Variants in PLA2G2C observed in about 807,000 individuals in gnomAD.
PLA2G2C encodes putative inactive group IIC secretory phospholipase A2.
In PLA2G2C, 15 loss-of-function variants were observed where a neutral mutation model predicts 14.3. The ratio of observed to expected loss-of-function variants is 1.05; its 90% confidence interval spans 0.70 to 1.62. The LOEUF is 1.62. Ranked by LOEUF, PLA2G2C falls within the 40% of genes most tolerant of loss-of-function variation. The pLI is 0.00. For synonymous variants in PLA2G2C, 79 were observed against 67.7 expected, an observed-to-expected ratio of 1.17 and a Z score of -0.82; for missense variants, 162 against 173.2, an observed-to-expected ratio of 0.94 and a Z score of 0.36.
chr1:20,183,397 G>A (rs2018307241), intron 1 of PLA2G2C, among the ~76,000 whole-genome samples: 1 of 152,232 alleles, frequency 6.6e-6, no homozygotes, highest in African/African-American at 2.4e-5. Context: ...CAGGTGAGGA[G>A]CTTGGGGGTG....
chr1:20,171,586 C>T (rs998005538), intron 4 of PLA2G2C, among the ~76,000 whole-genome samples: 3 of 151,968 alleles, frequency 2.0e-5, no homozygotes, highest in South Asian at 2.1e-4. Context: ...GTATCTCCCG[C>T]CATAGGGGAT....
At chr1:20,164,262 G>A (rs2017935804) in intron 4 of PLA2G2C, 105 bp from the exon 5 acceptor site, 2 of 1,199,194 alleles carry the variant, frequency 1.7e-6, no homozygotes, top group Non-Finnish European at 1.1e-6. Context: ...AAGGGTTAAG[G>A]ACAGAAAGGA....
At chr1:20,178,378 T>C (rs942467672) in intron 1 of PLA2G2C, among the ~76,000 whole-genome samples, 8 of 152,174 alleles carry the variant, frequency 5.3e-5, no homozygotes, top group African/African-American at 1.9e-4. Context: ...GGTGCAGAGC[T>C]TGGGCTAGAT....
In PLA2G2C at chr1:20,163,872, A is replaced by T. The variant is rs1433679136; in HGVS notation, c.*119T>A. 1 of 1,146,402 alleles carries T rather than the reference A, an allele frequency of 8.7e-7. No homozygotes were observed. The highest frequency in any genetic ancestry group is 1.6e-5 in the African/African-American group (1 of 63,470). The allele number at this position is 1,146,402 out of a possible 1,614,324, so 71.0% of individuals were successfully genotyped here. The stretch of plus-strand genomic sequence containing the variant: ...TGAAGGGTGAGCTGCCCTGCGGGAG[A>T]CATTTTGTCCTCCCTCCCAGTGGAA... On this transcript the variant is annotated 3_prime_UTR_variant, in exon 5 of 5. Coordinates refer to ENST00000679259, the MANE Select transcript of PLA2G2C (RefSeq NM_001367969.2).
chr1:20,184,724 G>GT (rs2018336867), intron 1 of PLA2G2C: 1 of 152,376 alleles, frequency 6.6e-6, no homozygotes. Flanking sequence ...GGCTGAGGAA[G>GT]TTTCCATATG....
chr1:20,182,508 ATGTT>A (rs1404490918), intron 1 of PLA2G2C, among the ~76,000 whole-genome samples: 1 of 152,196 alleles, frequency 6.6e-6, no homozygotes, highest in African/African-American at 2.4e-5. Context: ...ACACTCCACA[ATGTT>A]TGCACAATGA....
chr1:20,165,693 C>CGT (rs917587413), intron 4 of PLA2G2C, among the ~76,000 whole-genome samples: 2 of 151,040 alleles, frequency 1.3e-5, no homozygotes, highest in African/African-American at 4.9e-5. Flanking sequence ...TGTGCATGCG[C>CGT]GTGTGTGCAT....
At chr1:20,184,886 G>A (rs1306154659) in intron 1 of PLA2G2C, among the ~76,000 whole-genome samples, 1 of 152,196 alleles carries the variant, frequency 6.6e-6, no homozygotes, top group Non-Finnish European at 1.5e-5. Context: ...GGGCGAGGTG[G>A]CTCATGTCTG....
In PLA2G2C at chr1:20,183,243, C is replaced by G. The variant is rs145804415; in HGVS notation, c.-77+3117G>C. ...TAGAGATGCGGAAACTGACATCCAG[C>G]GAAGGTAAATCATTTACCTAACGTC... On this transcript the variant is annotated intron_variant, in intron 1 of 4. Coordinates refer to ENST00000679259, the MANE Select transcript of PLA2G2C (RefSeq NM_001367969.2). Among the ~76,000 whole-genome samples, 18 of 152,358 alleles carry G rather than the reference C, an allele frequency of 1.2e-4. No homozygotes were observed. In the East Asian group the frequency reaches 3.5e-3, roughly 29 times the overall value.
intron 1 of PLA2G2C, among the ~76,000 whole-genome samples, chr1:20,184,942 CCAAGACT>C (rs2018341185): frequency 6.6e-6 from 1 of 151,808 alleles, no homozygotes; most frequent in East Asian, 1.9e-4. Context: ...TCACTTGAGC[CCAAGACT>C]TCAAGACCAC....
intron 1 of PLA2G2C, among the ~76,000 whole-genome samples, chr1:20,180,846 T>G (rs1569939095): frequency 6.6e-6 from 1 of 152,176 alleles, no homozygotes; most frequent in South Asian, 2.1e-4. Flanking sequence ...AGTTGCAGGG[T>G]CCCTAGACGC....
chr1:20,169,190 C>G (rs894129480), intron 4 of PLA2G2C, among the ~76,000 whole-genome samples: 3 of 152,200 alleles, frequency 2.0e-5, no homozygotes, highest in African/African-American at 7.2e-5. Flanking sequence ...TGTTGCTTTT[C>G]TTTTTTGAGG....
At chr1:20,173,413 A>C (rs1001390203) in intron 3 of PLA2G2C, among the ~76,000 whole-genome samples, 7 of 152,190 alleles carry the variant, frequency 4.6e-5, no homozygotes, top group African/African-American at 1.4e-4. Flanking sequence ...ACTCATAGAA[A>C]CCTATAAAGT....
Position 20,164,172 on chromosome 1 carries a change from A to G in PLA2G2C, c.284-15T>C. ...GGTGCATCCACCTACAGAGACACAG[A>G]GGGTCACTGGGGGCTCCCAGCCCAG... On this transcript the variant is annotated splice_polypyrimidine_tract_variant and intron_variant, in intron 4 of 4. Transcript: ENST00000679259. 6.2e-7 allele frequency: 1 copy of G among 1,606,512 alleles called. No individual in the cohort carries two copies. The highest frequency in any genetic ancestry group is 1.1e-5 in the South Asian group (1 of 90,384).
chr1:20,175,230 G>A (rs762160035), intron 2 of PLA2G2C, 85 bp from the exon 3 acceptor site: 1 of 1,590,344 alleles, frequency 6.3e-7, no homozygotes, highest in East Asian at 2.2e-5. Flanking sequence ...TTACTAGAGT[G>A]CTGAGCATTC....
chr1:20,184,291 G>A (rs1206362382), intron 1 of PLA2G2C: 2 of 152,138 alleles, frequency 1.3e-5, no homozygotes, highest in Non-Finnish European at 2.9e-5. Context: ...TAAAATAGCT[G>A]ATGAAGAATC....
intron 1 of PLA2G2C, among the ~76,000 whole-genome samples, chr1:20,185,112 G>C (rs1432620982): frequency 2.0e-5 from 3 of 152,138 alleles, no homozygotes; most frequent in Non-Finnish European, 4.4e-5. Flanking sequence ...CTCCAGCCTG[G>C]GTGAAGGGGC....
At chr1:20,181,940 C>A (rs768534743) in intron 1 of PLA2G2C, among the ~76,000 whole-genome samples, 2 of 152,188 alleles carry the variant, frequency 1.3e-5, no homozygotes, top group Non-Finnish European at 2.9e-5. Flanking sequence ...TGTTCTGCCA[C>A]TTCCTGACAG....
chr1:20,179,972 TTC>T (rs374897540), intron 1 of PLA2G2C, among the ~76,000 whole-genome samples: 24 of 151,012 alleles, frequency 1.6e-4, no homozygotes, highest in African/African-American at 4.9e-4. Context: ...GTGTGTCAGT[TTC>T]TCTCTGTGTG....
Sources: gnomAD v4.1 joint callset for allele counts (sites outside exome capture counted in the v4.1 genomes callset) on GRCh38, gnomAD v4.1.1 for gene constraint, MANE v1.5 for transcripts, NCBI Gene and HGNC (gene_info 2026-07-23, HGNC 2026-07-21) for gene names.